Variants in ACAP2 observed in about 807,000 individuals in gnomAD.
The protein encoded by ACAP2 is ArfGAP with coiled-coil, ankyrin repeat and PH domains 2.
In ACAP2, 39 loss-of-function variants were observed where a neutral mutation model predicts 115.8. That is an observed-to-expected ratio of 0.34 (90% CI 0.26 to 0.44). ACAP2 has a LOEUF of 0.44. Among genes scored for constraint, ACAP2 ranks in the 20% least tolerant of loss-of-function variants. The pLI is 1.00. For synonymous variants in ACAP2, 289 were observed against 315.8 expected (o/e 0.92, Z 0.90); for missense variants, 662 against 927.6 (o/e 0.71, Z 3.72).
intron 3 of ACAP2, among the ~76,000 whole-genome samples, chr3:195,381,465 A>C (rs1733933103): frequency 6.6e-6 from 1 of 152,176 alleles, no homozygotes; most frequent in Non-Finnish European, 1.5e-5. Context: ...TAGTATACCA[A>C]GGAATCTAAG....
rs770782815 is a variant in ACAP2, at chr3:195,326,913, T to C, written c.716A>G (p.Glu239Gly). The part of the protein sequence containing the change: ...VDAAKEKREM[E>G]QKHSTIQQKD... ...TTGTTGAATGGTGGAATGTTTTTGC[T>C]CCATTTCTCTTTTCTCCTTTGCTGC... The change falls in exon 9 of 23, where the codon GAG (glutamate) becomes GGG (glycine). Residue 239 changes from glutamate to glycine, a missense_variant. This residue lies in a region of ACAP2 where 401 missense variants were observed against 604.4 expected (regional missense o/e 0.66). Transcript: ENST00000326793. 15 of 1,614,038 alleles carry C rather than the reference T, an allele frequency of 9.3e-6. No individual in the cohort carries two copies. In the South Asian group the frequency reaches 1.6e-4, roughly 18 times the overall value.
intron 10 of ACAP2, among the ~76,000 whole-genome samples, chr3:195,319,505 G>A (rs1303849874): frequency 1.3e-5 from 2 of 152,224 alleles, no homozygotes; most frequent in Non-Finnish European, 2.9e-5. Context: ...AAGGCCATGG[G>A]AACCCACCCG....
intron 2 of ACAP2, among the ~76,000 whole-genome samples, chr3:195,384,229 G>A (rs1170456253): frequency 6.6e-6 from 1 of 152,098 alleles, no homozygotes; most frequent in Non-Finnish European, 1.5e-5. Context: ...TCTCTCAGTG[G>A]ACAGCTAGAT....
intron 1 of ACAP2, among the ~76,000 whole-genome samples, chr3:195,429,222 C>T (rs1203105396): frequency 6.6e-6 from 1 of 151,674 alleles, no homozygotes; most frequent in African/African-American, 2.4e-5. Flanking sequence ...ACCCCATCTC[C>T]GCTAAATATA....
At chr3:195,337,211 T>C (rs1218339845) in intron 6 of ACAP2, among the ~76,000 whole-genome samples, 1 of 152,250 alleles carries the variant, frequency 6.6e-6, no homozygotes, top group African/African-American at 2.4e-5. Flanking sequence ...TTAACCGATA[T>C]TAGAGTGATG....
At chr3:195,425,895 T>C (rs1398042079) in intron 1 of ACAP2, among the ~76,000 whole-genome samples, 1 of 152,178 alleles carries the variant, frequency 6.6e-6, no homozygotes, top group East Asian at 1.9e-4. Context: ...GCCTGATAAC[T>C]AGTTTCCTAC....
intron 4 of ACAP2, among the ~76,000 whole-genome samples, chr3:195,360,894 G>A (rs540914993): frequency 6.6e-6 from 1 of 151,696 alleles, no homozygotes; most frequent in South Asian, 2.1e-4. Context: ...TCATTGAGGG[G>A]GTGTAGAACA....
chr3:195,347,715 A>T (rs1367829472), intron 4 of ACAP2, among the ~76,000 whole-genome samples: 2 of 152,248 alleles, frequency 1.3e-5, no homozygotes, highest in Non-Finnish European at 2.9e-5. Context: ...GACCTCAAGA[A>T]ATAAAATCAG....
At position 195,372,987 on chromosome 3, in the gene ACAP2, C is replaced by CAAAAAAAAAAAAAAAA. The variant is rs869134113; in HGVS notation, c.285+8006_285+8021dup. ...TGGGCGACAGAGCGAGACTCCATCT[C>CAAAAAAAAAAAAAAAA]AAAAAAAAAAAAAAAAAAAAAAAAA... On this transcript the variant is annotated intron_variant, in intron 4 of 22. Coordinates refer to ENST00000326793, the MANE Select transcript of ACAP2 (RefSeq NM_012287.6). Among the ~76,000 whole-genome samples, 31 of 17,774 alleles carry CAAAAAAAAAAAAAAAA rather than the reference C, an allele frequency of 1.7e-3. 1 individual carries two copies. Among genetic ancestry groups the CAAAAAAAAAAAAAAAA allele is most frequent in the African/African-American group, 3.8e-3 (20 of 5,282 alleles). The allele number at this position is 17,774 out of a possible 152,430, so 11.7% of individuals were successfully genotyped here.
intron 1 of ACAP2, among the ~76,000 whole-genome samples, chr3:195,402,293 C>T (rs912018163): frequency 2.0e-5 from 3 of 152,068 alleles, no homozygotes; most frequent in African/African-American, 7.2e-5. Flanking sequence ...TCAGTACACA[C>T]GTACTTATGT....
At chr3:195,436,451 T>A (rs113428788) in intron 1 of ACAP2, among the ~76,000 whole-genome samples, 2 of 152,204 alleles carry the variant, frequency 1.3e-5, no homozygotes, top group African/African-American at 4.8e-5. Flanking sequence ...TATACTTGCC[T>A]GTAGTAATTT....
intron 6 of ACAP2, among the ~76,000 whole-genome samples, chr3:195,340,653 G>C (rs966600239): frequency 2.0e-5 from 3 of 152,172 alleles, no homozygotes; most frequent in African/African-American, 7.2e-5. Flanking sequence ...TTTCAAGAAG[G>C]AGAGTGTGGT....
At chr3:195,296,602 A>G (rs535687795) in intron 16 of ACAP2, among the ~76,000 whole-genome samples, 2 of 152,336 alleles carry the variant, frequency 1.3e-5, no homozygotes, top group African/African-American at 4.8e-5. Flanking sequence ...GACAGAAATC[A>G]GTATCAACAA....
intron 4 of ACAP2, among the ~76,000 whole-genome samples, chr3:195,372,853 G>C (rs947591337): frequency 4.6e-5 from 7 of 151,906 alleles, no homozygotes; most frequent in Admixed American, 1.3e-4. Context: ...TACCTCGGAA[G>C]AGCACTGACT....
intron 4 of ACAP2, among the ~76,000 whole-genome samples, chr3:195,348,031 A>C (rs367672689): frequency 1.4e-5 from 2 of 147,742 alleles, no homozygotes; most frequent in East Asian, 4.4e-4. Flanking sequence ...GAAAAGAAGA[A>C]AAGAAAAGAA....
At chr3:195,361,261 C>T (rs1732347225) in intron 4 of ACAP2, among the ~76,000 whole-genome samples, 1 of 151,930 alleles carries the variant, frequency 6.6e-6, no homozygotes, top group Non-Finnish European at 1.5e-5. Context: ...ATGGTGAAAC[C>T]CTGTCTCTAC....
At chr3:195,398,923 C>A (rs1460372098) in intron 1 of ACAP2, among the ~76,000 whole-genome samples, 1 of 152,164 alleles carries the variant, frequency 6.6e-6, no homozygotes, top group African/African-American at 2.4e-5. Context: ...CTGAGAAAAT[C>A]ATTTAATCAC....
intron 1 of ACAP2, among the ~76,000 whole-genome samples, chr3:195,432,151 T>C (rs994811443): frequency 2.0e-5 from 3 of 152,234 alleles, no homozygotes; most frequent in Admixed American, 6.5e-5. Flanking sequence ...GCATGACTTT[T>C]AATGTTCTGT....
intron 4 of ACAP2, among the ~76,000 whole-genome samples, chr3:195,364,507 G>T (rs1732584206): frequency 6.6e-6 from 1 of 152,024 alleles, no homozygotes; most frequent in South Asian, 2.1e-4. Context: ...GGAGATGGAG[G>T]TTGCAGTAAA....
Sources: allele counts gnomAD v4.1 joint callset (sites outside exome capture counted in the v4.1 genomes callset), GRCh38; gene constraint gnomAD v4.1.1; regional missense constraint gnomAD v4.1.1; transcripts MANE v1.5; gene names NCBI Gene and HGNC (gene_info 2026-07-23, HGNC 2026-07-21).